Variants in GNG2 observed in about 807,000 individuals in gnomAD.
GNG2 encodes G protein subunit gamma 2.
GNG2 carries 5 observed loss-of-function variants against 5.5 expected under a neutral mutation model. The observed-to-expected ratio is 0.91, with a 90% CI of 0.48 to 1.92. GNG2 has a LOEUF of 1.92. Ranked by LOEUF, GNG2 falls within the 30% of genes most tolerant of loss-of-function variation. The pLI is 0.01. For missense variants in GNG2, 55 were observed against 88.4 expected (o/e 0.62, Z 1.52); for synonymous variants, 28 against 32.0 (o/e 0.88, Z 0.42).
chr14:51,853,666 T>C (rs1396204155), intron 2 of GNG2, among the ~76,000 whole-genome samples: 1 of 152,232 alleles, frequency 6.6e-6, no homozygotes, highest in African/African-American at 2.4e-5. Flanking sequence ...CTATAAATTA[T>C]TGGAGTTATT....
chr14:51,827,403 G>A (rs1286237510), intron 1 of GNG2, among the ~76,000 whole-genome samples: 1 of 152,196 alleles, frequency 6.6e-6, no homozygotes, highest in African/African-American at 2.4e-5. Flanking sequence ...TGGGAGCAGG[G>A]ATTCCGCAAT....
At chr14:51,855,662 A>T (rs905938373), upstream of GNG2, among the ~76,000 whole-genome samples, 1 of 152,210 alleles carries the variant, frequency 6.6e-6, no homozygotes, top group Non-Finnish European at 1.5e-5. Context: ...AATGTGTAAG[A>T]GTGGACAAGA....
chr14:51,895,437 T>C (rs1206368627), intron 2 of GNG2, among the ~76,000 whole-genome samples: 1 of 152,190 alleles, frequency 6.6e-6, no homozygotes, highest in East Asian at 1.9e-4. Context: ...TATTAGGAAG[T>C]TAATCTGGAA....
At chr14:51,929,082 T>A (rs1232994715) in intron 2 of GNG2, among the ~76,000 whole-genome samples, 1 of 152,250 alleles carries the variant, frequency 6.6e-6, no homozygotes, top group East Asian at 1.9e-4. Flanking sequence ...AGGTTACTGA[T>A]CTTTGGGTTT....
At position 51,966,225 on chromosome 14, in the gene GNG2, A is replaced by AG. The variant is rs1326904115; in HGVS notation, c.88-334_88-333insG. Among the ~76,000 whole-genome samples, 9 of 148,570 alleles carry AG rather than the reference A, an allele frequency of 6.1e-5. 2 individuals carry two copies. The highest frequency in any genetic ancestry group is 2.4e-4 in the South Asian group (1 of 4,244). On this transcript the variant is annotated intron_variant, in intron 3 of 3. Coordinates refer to ENST00000556766, the MANE Select transcript of GNG2 (RefSeq NM_053064.5). ...ACTGCATCTCAAAAAAAAAAAAAAA[A>AG]AAAAAAAAAAAACAAATGAAGGAGA...
chr14:51,914,873 G>A (rs956490269), intron 2 of GNG2, among the ~76,000 whole-genome samples: 1 of 152,130 alleles, frequency 6.6e-6, no homozygotes, highest in South Asian at 2.1e-4. Flanking sequence ...AAGATGGTAC[G>A]ATTGGGGTCT....
intron 3 of GNG2, among the ~76,000 whole-genome samples, chr14:51,955,694 A>G (rs917703516): frequency 6.6e-6 from 1 of 152,242 alleles, no homozygotes; most frequent in African/African-American, 2.4e-5. Context: ...AAGTCAAATT[A>G]AATATTTTTT....
chr14:51,871,869 A>AG (rs924162556), intron 1 of GNG2, among the ~76,000 whole-genome samples: 49 of 152,366 alleles, frequency 3.2e-4, no homozygotes, highest in African/African-American at 1.1e-3. Flanking sequence ...CCATGTGCTT[A>AG]GCCATCAATA....
intron 2 of GNG2, among the ~76,000 whole-genome samples, chr14:51,897,683 C>A (rs1002692954): frequency 6.6e-6 from 1 of 152,050 alleles, no homozygotes; most frequent in Non-Finnish European, 1.5e-5. Context: ...AGTGTAGGGT[C>A]CCTTCTCACC....
At chr14:51,951,313 TC>T (rs1453181184) in intron 3 of GNG2, among the ~76,000 whole-genome samples, 6 of 152,248 alleles carry the variant, frequency 3.9e-5, no homozygotes, top group Admixed American at 6.5e-5. Flanking sequence ...TCTATGTGTT[TC>T]TTTTTTTCCT....
intron 2 of GNG2, among the ~76,000 whole-genome samples, chr14:51,905,777 C>A (rs895472322): frequency 2.0e-5 from 3 of 152,032 alleles, no homozygotes; most frequent in Non-Finnish European, 4.4e-5. Flanking sequence ...TTTCCCCCAT[C>A]CTGTTGTTAT....
intron 2 of GNG2, among the ~76,000 whole-genome samples, chr14:51,919,974 C>G (rs943794101): frequency 6.6e-6 from 1 of 152,112 alleles, no homozygotes; most frequent in African/African-American, 2.4e-5. Context: ...AGATATAAAC[C>G]GTTGTCCCTC....
chr14:51,939,903 G>A (rs1437181955), intron 2 of GNG2: 1 of 152,240 alleles, frequency 6.6e-6, no homozygotes, highest in Non-Finnish European at 1.5e-5. Flanking sequence ...TTTCCCTGGG[G>A]AGACTGCAGC....
At chr14:51,918,274 C>A (rs1029850254) in intron 2 of GNG2, among the ~76,000 whole-genome samples, 2 of 152,178 alleles carry the variant, frequency 1.3e-5, no homozygotes, top group African/African-American at 4.8e-5. Flanking sequence ...TGCACTGTCT[C>A]CACTCTGCAA....
intron 2 of GNG2, among the ~76,000 whole-genome samples, chr14:51,894,969 AAAG>A (rs1443772759): frequency 6.6e-6 from 1 of 152,148 alleles, no homozygotes; most frequent in African/African-American, 2.4e-5. Flanking sequence ...TCCAAAAAAC[AAAG>A]AAGAACTTTT....
At chr14:51,872,090 C>T (rs954834845) in intron 1 of GNG2, among the ~76,000 whole-genome samples, 2 of 152,164 alleles carry the variant, frequency 1.3e-5, no homozygotes, top group African/African-American at 4.8e-5. Context: ...ACTGTCAAGA[C>T]AACACAAAGA....
chr14:51,900,759 C>T (rs898290095), intron 2 of GNG2, among the ~76,000 whole-genome samples: 9 of 151,998 alleles, frequency 5.9e-5, no homozygotes, highest in Admixed American at 5.2e-4. Flanking sequence ...TTCTTTCCAG[C>T]TGGCCTTAGT....
At chr14:51,879,566 CA>C (rs1018847677) in intron 2 of GNG2, among the ~76,000 whole-genome samples, 5 of 152,136 alleles carry the variant, frequency 3.3e-5, no homozygotes, top group Admixed American at 1.3e-4. Context: ...GGGCTAAAAG[CA>C]AAATATCAAC....
At chr14:51,906,823 T>C (rs893765954) in intron 2 of GNG2, among the ~76,000 whole-genome samples, 1 of 138,712 alleles carries the variant, frequency 7.2e-6, no homozygotes, top group Admixed American at 8.2e-5. Flanking sequence ...TGGCGCAATC[T>C]CGGCTTACTA....
Sources: allele counts gnomAD v4.1 joint callset (sites outside exome capture counted in the v4.1 genomes callset), GRCh38; gene constraint gnomAD v4.1.1; transcripts MANE v1.5; gene names NCBI Gene and HGNC (gene_info 2026-07-23, HGNC 2026-07-21).